The following SPTLC3 variants were observed in gnomAD, a reference collection of about 807,000 sequenced individuals.
The protein encoded by SPTLC3 is serine palmitoyltransferase 3.
A neutral mutation model predicts 59.3 loss-of-function variants in SPTLC3; 36 were observed. That is an observed-to-expected ratio of 0.61 (90% CI 0.47 to 0.80). SPTLC3 has a LOEUF of 0.80. Ranked by LOEUF, SPTLC3 falls within the 30% of genes least tolerant of loss-of-function variation. The probability of loss-of-function intolerance (pLI) is 0.00; values close to 1 mark genes in which losing one functional copy is unlikely to be tolerated. For missense variants in SPTLC3, 625 were observed against 685.1 expected (o/e 0.91, Z 0.98); for synonymous variants, 257 against 240.8 (o/e 1.07, Z -0.62).
At chr20:13,080,524 G>T (rs1439225500) in intron 4 of SPTLC3, among the ~76,000 whole-genome samples, 1 of 75,154 alleles carries the variant, frequency 1.3e-5, no homozygotes, top group Non-Finnish European at 2.8e-5. Context: ...AAAAAAAACA[G>T]GCAAAACTGC....
intron 2 of SPTLC3, among the ~76,000 whole-genome samples, chr20:13,066,570 A>G (rs1227995002): frequency 6.6e-6 from 1 of 152,108 alleles, no homozygotes; most frequent in African/African-American, 2.4e-5. Flanking sequence ...AAATGTGTGT[A>G]TTTGTTTTTA....
chr20:13,122,372 T>G (rs2037886654), intron 8 of SPTLC3, among the ~76,000 whole-genome samples: 1 of 152,132 alleles, frequency 6.6e-6, no homozygotes, highest in Non-Finnish European at 1.5e-5. Context: ...AGAGGAACAG[T>G]CTCTGGGTTA....
intron 6 of SPTLC3, among the ~76,000 whole-genome samples, chr20:13,099,209 T>C (rs879810882): frequency 2.6e-5 from 4 of 152,092 alleles, no homozygotes; most frequent in African/African-American, 4.8e-5. Flanking sequence ...GGCAATGCAA[T>C]GTGAGAAAGA....
chr20:13,158,287 T>G (rs1242562697), intron 10 of SPTLC3, among the ~76,000 whole-genome samples: 1 of 152,188 alleles, frequency 6.6e-6, no homozygotes, highest in Non-Finnish European at 1.5e-5. Context: ...ATATAAAATT[T>G]CCAGTGCAAT....
intron 4 of SPTLC3, among the ~76,000 whole-genome samples, chr20:13,083,617 A>C (rs1412499781): frequency 6.6e-6 from 1 of 152,208 alleles, no homozygotes; most frequent in Non-Finnish European, 1.5e-5. Context: ...TCCCAAGGTC[A>C]CATAGTTAAT....
chr20:13,037,845 C>T (rs1986802499), intron 1 of SPTLC3, among the ~76,000 whole-genome samples: 1 of 152,002 alleles, frequency 6.6e-6, no homozygotes, highest in African/African-American at 2.4e-5. Context: ...CCACTTTCAC[C>T]CTGTAGCTTT....
At chr20:13,132,162 C>T (rs1476685654) in intron 9 of SPTLC3, among the ~76,000 whole-genome samples, 1 of 149,280 alleles carries the variant, frequency 6.7e-6, no homozygotes, top group African/African-American at 2.5e-5. Flanking sequence ...TTCTCCTCAC[C>T]TTGCTTTAAT....
At chr20:13,021,177 C>G (rs1171537036) in intron 1 of SPTLC3, among the ~76,000 whole-genome samples, 3 of 152,160 alleles carry the variant, frequency 2.0e-5, no homozygotes, top group African/African-American at 7.2e-5. Flanking sequence ...GTATTACACT[C>G]TTGATTTTCC....
At position 13,046,417 on chromosome 20, in the gene SPTLC3, A is replaced by G. The variant is rs186140568; in HGVS notation, c.118-2528A>G. Among the ~76,000 whole-genome samples, 63 of 152,232 alleles carry G rather than the reference A, an allele frequency of 4.1e-4. 2 individuals are homozygous for G. Among genetic ancestry groups the G allele is most frequent in the South Asian group, 3.3e-3 (16 of 4,822 alleles). On this transcript the variant is annotated intron_variant, in intron 1 of 11. Transcript: ENST00000399002. ...AAGTCCTTCTTTCTTCTTATCAACA[A>G]TACTATACTGCTCCTTGCAGATAGT...
chr20:13,144,156 T>C (rs2122899553), intron 9 of SPTLC3, among the ~76,000 whole-genome samples: 1 of 152,290 alleles, frequency 6.6e-6, no homozygotes, highest in South Asian at 2.1e-4. Context: ...CTCATCCCTT[T>C]CCTCCCCATC....
intron 4 of SPTLC3, chr20:13,079,628 C>G (rs1019321445): frequency 3.2e-6 from 1 of 310,420 alleles, no homozygotes; most frequent in East Asian, 1.4e-4. Flanking sequence ...CCAGGGAGGA[C>G]CCTGTTAGGA....
chr20:13,160,059 C>T lies in SPTLC3; in HGVS notation c.1472C>T (p.Pro491Leu). ...ATTGGAGTGGTGGTCGTGGGATTTC[C>T]AGCCACTCCCCTCGCAGAAGCTCGG... ...KKIGVVVVGF[P>L]ATPLAEARAR... The change falls in exon 11 of 12, where the codon CCA (proline) becomes CTA (leucine). Residue 491 changes from proline to leucine, a missense_variant. Transcript: ENST00000399002. 1 of 1,613,576 alleles carries T rather than the reference C, an allele frequency of 6.2e-7. No homozygotes were observed. The highest frequency in any genetic ancestry group is 8.5e-7 in the Non-Finnish European group (1 of 1,179,886).
At chr20:13,082,424 CCT>C (rs1469490326) in intron 4 of SPTLC3, among the ~76,000 whole-genome samples, 2 of 152,036 alleles carry the variant, frequency 1.3e-5, no homozygotes, top group African/African-American at 2.4e-5. Context: ...ACAGCTGCCC[CCT>C]GTTTTTGTAC....
At chr20:13,026,396 T>A (rs1489435487) in intron 1 of SPTLC3, among the ~76,000 whole-genome samples, 2 of 152,200 alleles carry the variant, frequency 1.3e-5, no homozygotes, top group African/African-American at 4.8e-5. Flanking sequence ...ATCTGTTATT[T>A]CTCAACTTTT....
intron 9 of SPTLC3, 95 bp from the exon 10 acceptor site, chr20:13,153,908 T>C: frequency 2.0e-6 from 3 of 1,513,210 alleles, no homozygotes; most frequent in Non-Finnish European, 1.8e-6. Flanking sequence ...GCTGCTGGCC[T>C]GCAGAAAGAC....
intron 4 of SPTLC3, among the ~76,000 whole-genome samples, chr20:13,075,250 C>T (rs1988603224): frequency 1.3e-5 from 2 of 152,092 alleles, no homozygotes; most frequent in Admixed American, 1.3e-4. Context: ...AAATAACCAA[C>T]CTAATTCCCA....
At position 13,011,388 on chromosome 20, in the gene SPTLC3, C is replaced by T. The variant is rs113074075; in HGVS notation, c.117+2004C>T. Among the ~76,000 whole-genome samples the T allele has an allele frequency of 3.8e-3, 581 of 152,280 alleles. 2 individuals are homozygous for T. Among genetic ancestry groups the T allele is most frequent in the Non-Finnish European group, 6.6e-3 (448 of 68,024 alleles). ...TTCTGCCTGGCCTAACGTCTTCTGC[C>T]GCAGCATCTAAGATCCTACCAGCCC... On this transcript the variant is annotated intron_variant, in intron 1 of 11. Transcript: ENST00000399002.
intron 4 of SPTLC3, among the ~76,000 whole-genome samples, chr20:13,085,715 C>A (rs886649121): frequency 2.6e-5 from 4 of 152,106 alleles, no homozygotes; most frequent in African/African-American, 9.7e-5. Flanking sequence ...AGAGTATGAG[C>A]CAGTCAGTAT....
At position 13,166,459 on chromosome 20, in the gene SPTLC3, C is replaced by T. The variant is rs976207743; in HGVS notation, c.*1592C>T. The stretch of plus-strand genomic sequence containing the variant: ...AATGTTTACAAGTTGTAAGGAATAC[C>T]GTTAGTGAAAGAGGAAAAGAAGTGG... On this transcript the variant is annotated 3_prime_UTR_variant, in exon 12 of 12. Coordinates refer to ENST00000399002, the MANE Select transcript of SPTLC3 (RefSeq NM_018327.4). 2.0e-5 allele frequency: 3 copies of T among 152,102 alleles called. No individual in the cohort carries two copies. The highest frequency in any genetic ancestry group is 7.2e-5 in the African/African-American group (3 of 41,414). 9.4% of individuals were successfully genotyped at this position (152,102 alleles called of 1,614,324 possible). A position where few individuals can be genotyped will look rare whatever the true frequency, so the allele number is the denominator to read the frequency against.
Sources: allele counts gnomAD v4.1 joint callset (sites outside exome capture counted in the v4.1 genomes callset), GRCh38; gene constraint gnomAD v4.1.1; transcripts MANE v1.5; gene names NCBI Gene and HGNC (gene_info 2026-07-23, HGNC 2026-07-21).